Variants in SPAG9 observed in about 807,000 individuals in gnomAD.
SPAG9 encodes sperm associated antigen 9.
A neutral mutation model predicts 166.5 loss-of-function variants in SPAG9; 35 were observed. The ratio of observed to expected loss-of-function variants is 0.21; its 90% confidence interval spans 0.16 to 0.28. The LOEUF (loss-of-function observed/expected upper bound fraction) is 0.28. Ranked by LOEUF, SPAG9 falls within the 10% of genes least tolerant of loss-of-function variation. The probability of loss-of-function intolerance (pLI) is 1.00; values close to 1 mark genes in which losing one functional copy is unlikely to be tolerated. For synonymous variants in SPAG9, 534 were observed against 565.5 expected, an observed-to-expected ratio of 0.94 and a Z score of 0.79; for missense variants, 1,235 against 1,603.3, an observed-to-expected ratio of 0.77 and a Z score of 3.92.
intron 27 of SPAG9, 143 bp downstream of exon 27, chr17:50,976,965 A>G (rs1229883620): frequency 2.9e-5 from 17 of 584,454 alleles, no homozygotes; most frequent in Admixed American, 6.4e-5. Flanking sequence ...CCTAGAATTT[A>G]TAAGTTTCAT....
At chr17:51,108,622 A>T (rs981071426) in intron 1 of SPAG9, among the ~76,000 whole-genome samples, 5 of 151,724 alleles carry the variant, frequency 3.3e-5, no homozygotes, top group Admixed American at 3.3e-4. Context: ...TCAGCGTCTC[A>T]AGTAGCTGGA....
chr17:50,975,154 G>A, intron 27 of SPAG9: 1 of 495,364 alleles, frequency 2.0e-6, no homozygotes, highest in East Asian at 3.7e-5. Context: ...AATGGAGTAG[G>A]GGATTTTGCC....
intron 28 of SPAG9, 145 bp from the exon 29 acceptor site, chr17:50,971,001 T>A: frequency 1.5e-6 from 1 of 686,314 alleles, no homozygotes; most frequent in Non-Finnish European, 2.4e-6. Flanking sequence ...AGGCTCTGCA[T>A]GATCAGAAAA....
At chr17:50,978,966 AAGAAGTAACTGATTTAATACAG>A (rs1433013440) in intron 26 of SPAG9, among the ~76,000 whole-genome samples, 5 of 152,188 alleles carry the variant, frequency 3.3e-5, no homozygotes, top group Admixed American at 2.0e-4. Context: ...GGTAGAGATA[AAGAAGTAACTGATTTAATACAG>A]TTTTAGAGGC....
At chr17:51,030,584 A>G (rs1474424434) in intron 6 of SPAG9, among the ~76,000 whole-genome samples, 1 of 152,206 alleles carries the variant, frequency 6.6e-6, no homozygotes, top group Non-Finnish European at 1.5e-5. Flanking sequence ...GTGTGTACAT[A>G]CATTCTTCTG....
chr17:50,991,474 A>T (rs935295578), intron 19 of SPAG9, among the ~76,000 whole-genome samples: 4 of 151,998 alleles, frequency 2.6e-5, no homozygotes, highest in African/African-American at 9.7e-5. Flanking sequence ...AAATTGTTTT[A>T]TTTATATCAC....
chr17:51,050,722 TAA>T (rs78381217), intron 3 of SPAG9, among the ~76,000 whole-genome samples: 15 of 142,266 alleles, frequency 1.1e-4, no homozygotes, highest in Non-Finnish European at 9.2e-5. Flanking sequence ...TCACTCAGGT[TAA>T]AAAAAAAAAA....
Position 51,079,617 on chromosome 17 carries a change from G to C in SPAG9, c.391C>G (p.Leu131Val). Reference sequence around the variant, plus strand: ...GCATAGTTTTTCGCTTTCAGCTCAAGTTGTCTTGTTTGAGATTCTAAAGAT... The same window carrying C: ...GCATAGTTTTTCGCTTTCAGCTCAACTTGTCTTGTTTGAGATTCTAAAGAT... ...VESLESQTRQ[L>V]ELKAKNYADQ... The change falls in exon 2 of 30, where the codon CTT (leucine) becomes GTT (valine). Residue 131 changes from leucine (L) to valine (V), a missense_variant. Physicochemically the swap from Leu to Val is conservative, Grantham distance 32. This residue lies in a region of SPAG9 where 288 missense variants were observed against 323.7 expected (regional missense o/e 0.89). Transcript: ENST00000262013. The C allele has an allele frequency of 6.2e-7, 1 of 1,613,854 alleles. No homozygotes were observed. The highest frequency in any genetic ancestry group is 1.3e-5 in the African/African-American group (1 of 75,018).
chr17:51,011,665 G>GTAATTCCT (rs1377587450), intron 9 of SPAG9, among the ~76,000 whole-genome samples: 3 of 152,114 alleles, frequency 2.0e-5, no homozygotes, highest in African/African-American at 7.2e-5. Flanking sequence ...TTACAGGCAT[G>GTAATTCCT]AGCCACCGTG....
intron 3 of SPAG9, among the ~76,000 whole-genome samples, chr17:51,055,741 T>G (rs1450798640): frequency 4.6e-5 from 7 of 152,164 alleles, no homozygotes; most frequent in South Asian, 2.1e-4. Flanking sequence ...TCTGGGTATG[T>G]GAAACCCAGA....
rs35339612 is a variant in SPAG9, at chr17:51,026,674, CTTTTTTTTTTT to C, written c.783+4996_783+5006del. Among the ~76,000 whole-genome samples the C allele has an allele frequency of 2.7e-4, 33 of 124,198 alleles. No homozygotes were observed. In the East Asian group the frequency reaches 6.9e-3, roughly 26 times the overall value. The allele number at this position is 124,198 out of a possible 152,430, so 81.5% of individuals were successfully genotyped here. A position where few individuals can be genotyped will look rare whatever the true frequency, so the allele number is the denominator to read the frequency against. On this transcript the variant is annotated intron_variant, in intron 6 of 29. Coordinates refer to ENST00000262013, the MANE Select transcript of SPAG9 (RefSeq NM_001130528.3). ...GGTTGAGCCCTTTTCTTTTTCTTTTCTTTTTTTTTTTTTTTTTTGAGACGAAGTTTCGCTCT... is the reference window on the plus strand; with the variant it reads ...GGTTGAGCCCTTTTCTTTTTCTTTTCTTTTTTTGAGACGAAGTTTCGCTCT...
chr17:51,077,513 C>G (rs2048051014), intron 2 of SPAG9, among the ~76,000 whole-genome samples: 1 of 152,162 alleles, frequency 6.6e-6, no homozygotes, highest in Admixed American at 6.6e-5. Flanking sequence ...AAAGGTTCAA[C>G]TCTTGAAATG....
At chr17:51,042,221 C>T (rs2144403509) in intron 4 of SPAG9, among the ~76,000 whole-genome samples, 2 of 152,274 alleles carry the variant, frequency 1.3e-5, no homozygotes, top group Middle Eastern at 6.8e-3. Context: ...TCTACAGAAC[C>T]ACTATATGAG....
chr17:51,084,482 G>A (rs1902529288), intron 1 of SPAG9, among the ~76,000 whole-genome samples: 1 of 151,852 alleles, frequency 6.6e-6, no homozygotes, highest in South Asian at 2.1e-4. Context: ...TCCATCTCCT[G>A]GCTTCAAGCA....
chr17:51,082,053 G>T (rs765508113), intron 1 of SPAG9, among the ~76,000 whole-genome samples: 2 of 151,994 alleles, frequency 1.3e-5, no homozygotes, highest in Non-Finnish European at 2.9e-5. Context: ...CACCTTCTTG[G>T]TGAAGGCTTC....
rs935315625 is a variant in SPAG9, at chr17:51,035,234, C to T, written c.742-3512G>A. Among the ~76,000 whole-genome samples the T allele has an allele frequency of 3.9e-5, 6 of 152,042 alleles. No homozygotes were observed. In the South Asian group the frequency reaches 6.2e-4, roughly 16 times the overall value. On this transcript the variant is annotated intron_variant, in intron 5 of 29. Coordinates refer to ENST00000262013, the MANE Select transcript of SPAG9 (RefSeq NM_001130528.3). ...TATTAGTGGAAAAACTGGTAAAACTCGAATACAGGTTTACCTAACAGTATT... is the reference window on the plus strand; with the variant it reads ...TATTAGTGGAAAAACTGGTAAAACTTGAATACAGGTTTACCTAACAGTATT...
In SPAG9 at chr17:50,996,623, T is replaced by C; in HGVS notation, c.1910A>G (p.Gln637Arg). ...AGCCTGCACTCTACCGTCTTCCTTC[T>C]GAACATGTGCTTTTACCTGACGATA... ...EQYRQVKAHV[Q>R]KEDGRVQAFG... Residue 637 changes from glutamine (Q) to arginine (R), a missense_variant, in exon 16 of 30, where the codon CAG becomes CGG. Around this residue, in one of 6 missense-constraint regions of SPAG9, gnomAD observed 493 missense variants for 559.4 expected, o/e 0.88. Transcript: ENST00000262013. The C allele has an allele frequency of 1.2e-6, 2 of 1,614,176 alleles. No individual in the cohort carries two copies. The highest frequency in any genetic ancestry group is 1.7e-6 in the Non-Finnish European group (2 of 1,180,022).
chr17:51,110,066 A>AT (rs2144774759), intron 1 of SPAG9, among the ~76,000 whole-genome samples: 1 of 152,224 alleles, frequency 6.6e-6, no homozygotes, highest in African/African-American at 2.4e-5. Flanking sequence ...GAATATTCTC[A>AT]TTTTTTAGGA....
At chr17:51,036,794 A>G (rs759827609) in intron 5 of SPAG9, among the ~76,000 whole-genome samples, 3 of 152,054 alleles carry the variant, frequency 2.0e-5, no homozygotes, top group Non-Finnish European at 4.4e-5. Context: ...CCCTGCTCCT[A>G]AGCACCATGG....
Sources: gnomAD v4.1 joint callset for allele counts (sites outside exome capture counted in the v4.1 genomes callset) on GRCh38, gnomAD v4.1.1 for gene constraint, gnomAD v4.1.1 regional missense constraint, MANE v1.5 for transcripts, NCBI Gene and HGNC (gene_info 2026-07-23, HGNC 2026-07-21) for gene names.